Variants in ATP8A1 observed in about 807,000 individuals in gnomAD.
ATP8A1 encodes phospholipid-transporting ATPase IA.
ATP8A1 carries 90 observed loss-of-function variants against 177.7 expected under a neutral mutation model. The ratio of observed to expected loss-of-function variants is 0.51; its 90% CI spans 0.43 to 0.60. The LOEUF is 0.60. Ranked by LOEUF, ATP8A1 falls within the 20% of genes least tolerant of loss-of-function variation. ATP8A1 has a pLI of 0.00. For missense variants in ATP8A1, 1,072 were observed against 1,392.8 expected (o/e 0.77, Z 3.67); for synonymous variants, 493 against 485.9 (o/e 1.01, Z -0.19).
At chr4:42,435,450 C>CAAAAAAAAAAAA (rs11306070) in intron 33 of ATP8A1, among the ~76,000 whole-genome samples, 1 of 116,970 alleles carries the variant, frequency 8.5e-6, no homozygotes, top group Non-Finnish European at 1.8e-5. Context: ...AAAAAAAAAA[C>CAAAAAAAAAAAA]AAAAAAAAAA....
At chr4:42,431,476 C>T (rs1298542302) in intron 33 of ATP8A1, among the ~76,000 whole-genome samples, 1 of 137,510 alleles carries the variant, frequency 7.3e-6, no homozygotes, top group African/African-American at 2.7e-5. Context: ...TCTAGTTTTT[C>T]TCCTACTAAC....
At chr4:42,484,385 GA>G (rs1298043938) in intron 25 of ATP8A1, among the ~76,000 whole-genome samples, 1 of 152,038 alleles carries the variant, frequency 6.6e-6, no homozygotes, top group African/African-American at 2.4e-5. Context: ...AGACTCCTGG[GA>G]AAGATAAGCA....
At chr4:42,635,984 C>A (rs1387889710) in intron 1 of ATP8A1, among the ~76,000 whole-genome samples, 1 of 151,198 alleles carries the variant, frequency 6.6e-6, no homozygotes, top group Admixed American at 6.6e-5. Context: ...CTCCAGATGG[C>A]AAATTGACTG....
intron 34 of ATP8A1, 95 bp from the exon 35 acceptor site, chr4:42,422,994 G>A: frequency 1.2e-6 from 1 of 858,044 alleles, no homozygotes. Context: ...GGTTGATAAA[G>A]CACAATGGTA....
At chr4:42,434,942 A>G (rs1715743223) in intron 33 of ATP8A1, among the ~76,000 whole-genome samples, 1 of 152,160 alleles carries the variant, frequency 6.6e-6, no homozygotes, top group African/African-American at 2.4e-5. Flanking sequence ...ATTGACTTCT[A>G]TTACATGGAA....
intron 23 of ATP8A1, among the ~76,000 whole-genome samples, chr4:42,503,783 A>C (rs1383865356): frequency 1.3e-5 from 2 of 152,214 alleles, no homozygotes; most frequent in Non-Finnish European, 2.9e-5. Context: ...TGAAGCTGAC[A>C]AATGGATTTG....
At chr4:42,575,572 C>T (rs779272353) in intron 13 of ATP8A1, 50 bp downstream of exon 13, 16 of 1,520,658 alleles carry the variant, frequency 1.1e-5, no homozygotes, top group Non-Finnish European at 1.5e-5. Flanking sequence ...GATACCACAC[C>T]AAATCTAACT....
Position 42,636,190 on chromosome 4 carries a change from A to T in ATP8A1, c.50-9081T>A, listed in dbSNP as rs1451955076. On this transcript the variant is annotated intron_variant, in intron 1 of 36. Transcript: ENST00000381668. ...CACACACATAAGCTTCTTAAGCTGG[A>T]TCAAAACAATTCTTGGCTGAATAAT... is the stretch of plus-strand genomic sequence containing the variant. Among the ~76,000 whole-genome samples, 3 of 140,878 alleles carry T rather than the reference A, an allele frequency of 2.1e-5. No individual in the cohort carries two copies. In the Admixed American group the frequency reaches 2.2e-4, roughly 10 times the overall value. The allele number at this position is 140,878 out of a possible 152,430, so 92.4% of individuals were successfully genotyped here.
intron 24 of ATP8A1, among the ~76,000 whole-genome samples, chr4:42,489,997 G>A (rs1560383081): frequency 1.3e-5 from 2 of 152,202 alleles, no homozygotes; most frequent in African/African-American, 2.4e-5. Context: ...AAGTCCAGGA[G>A]CATCAGAGAC....
At chr4:42,623,927 C>G (rs1419201680) in intron 4 of ATP8A1, among the ~76,000 whole-genome samples, 1 of 151,894 alleles carries the variant, frequency 6.6e-6, no homozygotes, top group Non-Finnish European at 1.5e-5. Flanking sequence ...CAAACCAAAA[C>G]AAAACATTGG....
intron 20 of ATP8A1, among the ~76,000 whole-genome samples, chr4:42,532,046 G>A (rs1005354434): frequency 6.6e-6 from 1 of 152,052 alleles, no homozygotes; most frequent in Non-Finnish European, 1.5e-5. Context: ...AGGCTGCAGT[G>A]AGCCATGATC....
At chr4:42,443,410 C>G (rs6851048) in intron 33 of ATP8A1, among the ~76,000 whole-genome samples, 155 bp downstream of exon 33, 53,553 of 152,082 alleles carry the variant, frequency 0.35, 9,477 homozygotes, top group Middle Eastern at 0.43. Flanking sequence ...AGATTAATCA[C>G]TCGAAACTGT....
chr4:42,419,224 T>C (rs1186423187), intron 35 of ATP8A1, among the ~76,000 whole-genome samples: 1 of 152,214 alleles, frequency 6.6e-6, no homozygotes, highest in African/African-American at 2.4e-5. Context: ...CATTCTTTAG[T>C]TTATTCTCTT....
At chr4:42,555,888 G>T in intron 16 of ATP8A1, 80 bp downstream of exon 16, 1 of 901,934 alleles carries the variant, frequency 1.1e-6, no homozygotes, top group South Asian at 1.8e-5. Flanking sequence ...AGAGAAACAT[G>T]TAAACATAGA....
chr4:42,602,609 C>T (rs1363888720), intron 5 of ATP8A1, among the ~76,000 whole-genome samples: 1 of 151,752 alleles, frequency 6.6e-6, no homozygotes, highest in African/African-American at 2.4e-5. Flanking sequence ...ACTAAAAAAA[C>T]ACCAAAAAAA....
At chr4:42,438,474 T>C (rs1716252327) in intron 33 of ATP8A1, among the ~76,000 whole-genome samples, 1 of 152,182 alleles carries the variant, frequency 6.6e-6, no homozygotes, top group African/African-American at 2.4e-5. Context: ...TATGCTAATA[T>C]TGCTGTTAAG....
intron 19 of ATP8A1, among the ~76,000 whole-genome samples, chr4:42,544,244 A>C (rs1456798190): frequency 3.3e-5 from 5 of 152,228 alleles, no homozygotes; most frequent in Non-Finnish European, 7.3e-5. Context: ...TAAGAAACCT[A>C]CAAGAGCTCA....
At chr4:42,448,002 G>T (rs1311144346) in intron 30 of ATP8A1, among the ~76,000 whole-genome samples, 1 of 151,934 alleles carries the variant, frequency 6.6e-6, no homozygotes, top group Non-Finnish European at 1.5e-5. Flanking sequence ...ATTATTGAGG[G>T]TCTCAAAAAG....
intron 1 of ATP8A1, among the ~76,000 whole-genome samples, chr4:42,627,484 A>C (rs1225034632): frequency 6.6e-6 from 1 of 152,250 alleles, no homozygotes; most frequent in South Asian, 2.1e-4. Context: ...TATAGTCAAA[A>C]ATTAAAGCAT....
Sources: allele counts gnomAD v4.1 joint callset (sites outside exome capture counted in the v4.1 genomes callset), GRCh38; gene constraint gnomAD v4.1.1; transcripts MANE v1.5; gene names NCBI Gene and HGNC (gene_info 2026-07-23, HGNC 2026-07-21).